The following USH1C variants were observed in gnomAD, a reference collection of about 807,000 sequenced individuals.
USH1C encodes harmonin.
A neutral mutation model predicts 119.3 loss-of-function variants in USH1C; 90 were observed. The observed-to-expected ratio is 0.75, with a 90% CI of 0.64 to 0.90. The LOEUF (loss-of-function observed/expected upper bound fraction) is 0.90, where lower values mean the gene tolerates loss of function less well. USH1C is among the 40% of genes least tolerant of loss of function. The pLI is 0.00. For missense variants in USH1C, 1,165 were observed against 1,167.7 expected (o/e 1.00, Z 0.03); for synonymous variants, 465 against 443.3 (o/e 1.05, Z -0.62).
chr11:17,533,129 A>G, intron 2 of USH1C, 126 bp downstream of exon 2: 3 of 789,732 alleles, frequency 3.8e-6, no homozygotes, highest in Non-Finnish European at 2.3e-6. Flanking sequence ...TGGTATGTCC[A>G]TTTGATTTCC....
At chr11:17,517,595 G>T in intron 14 of USH1C, 1 of 951,658 alleles carries the variant, frequency 1.1e-6, no homozygotes, top group Non-Finnish European at 1.6e-6. Context: ...GAGCTGTGAG[G>T]TCAGGGGCAG....
In USH1C at chr11:17,524,499, A is replaced by G. The variant is rs1306283846; in HGVS notation, c.711T>C (p.Phe237=). 1 of 1,572,690 alleles carries G rather than the reference A, an allele frequency of 6.4e-7. No individual in the cohort carries two copies. The highest frequency in any genetic ancestry group is 1.4e-5 in the African/African-American group (1 of 73,908). The change falls in exon 9 of 27, where the codon TTT becomes TTC. Residue 237 remains phenylalanine (F), a synonymous_variant. Coordinates refer to ENST00000005226, the MANE Select transcript of USH1C (RefSeq NM_153676.4). ...SSGPIQKPGI[F]ISHVKPGSLS... ...GGGAGCCAGGTTTCACATGGCTGAT[A>G]AAGATGCCAGGCTTCTGGATGGGGC... is the stretch of plus-strand genomic sequence containing the variant.
At position 17,520,667 on chromosome 11, in the gene USH1C, T is replaced by C. The variant is rs558575432; in HGVS notation, c.1210+203A>G. ...GACCTGGGAGCTGGGTATGTGGAGCTGGCCCGTGAACAAGGGGAGCAGACA... is the reference window on the plus strand; with the variant it reads ...GACCTGGGAGCTGGGTATGTGGAGCCGGCCCGTGAACAAGGGGAGCAGACA... On this transcript the variant is annotated intron_variant, in intron 14 of 26. Transcript: ENST00000005226. 3.9e-5 allele frequency among the ~76,000 whole-genome samples: 6 copies of C among 152,270 alleles called. No individual in the cohort carries two copies. In the South Asian group the frequency reaches 1.2e-3, roughly 32 times the overall value.
intron 23 of USH1C, 126 bp downstream of exon 23, chr11:17,500,925 C>A: frequency 1.3e-6 from 1 of 795,640 alleles, no homozygotes; most frequent in South Asian, 1.5e-5. Context: ...ATGGATGGAC[C>A]CGAGTGGGAG....
At chr11:17,519,253 G>A (rs1054956607) in intron 14 of USH1C, among the ~76,000 whole-genome samples, 1 of 152,228 alleles carries the variant, frequency 6.6e-6, no homozygotes, top group Admixed American at 6.5e-5. Context: ...AGGTCCAAAT[G>A]AGAATTAAAT....
At chr11:17,494,410 A>G (rs370787719) in intron 26 of USH1C, 34 bp from the exon 27 acceptor site, 3 of 1,579,180 alleles carry the variant, frequency 1.9e-6, no homozygotes, top group Non-Finnish European at 2.6e-6. Context: ...AGGTGGATAC[A>G]GGCTTTGTGG....
At chr11:17,523,750 C>T (rs1016222131) in intron 9 of USH1C, among the ~76,000 whole-genome samples, 1 of 152,208 alleles carries the variant, frequency 6.6e-6, no homozygotes, top group African/African-American at 2.4e-5. Context: ...AATTTGATGA[C>T]ATTTGCTTTA....
At position 17,526,745 on chromosome 11, in the gene USH1C, G is replaced by A. The variant is rs368634906; in HGVS notation, c.579+8C>T. 3.7e-6 allele frequency: 6 copies of A among 1,613,784 alleles called. No homozygotes were observed. In the African/African-American group the frequency reaches 6.7e-5, roughly 18 times the overall value. ...CCCAAACCCCATCACAGGAGGTCTGGCCCTTACCCCAGATTCCGACACAAA... is the reference window on the plus strand; with the variant it reads ...CCCAAACCCCATCACAGGAGGTCTGACCCTTACCCCAGATTCCGACACAAA... On this transcript the variant is annotated splice_region_variant and intron_variant, in intron 7 of 26. Coordinates refer to ENST00000005226, the MANE Select transcript of USH1C (RefSeq NM_153676.4).
chr11:17,495,832 GAC>G (rs1187989456), intron 25 of USH1C, among the ~76,000 whole-genome samples, 155 bp from the exon 26 acceptor site: 5 of 108,012 alleles, frequency 4.6e-5, no homozygotes, highest in South Asian at 3.7e-4. Context: ...GTTTCTCCAA[GAC>G]ATGTGTAGAG....
intron 1 of USH1C, among the ~76,000 whole-genome samples, chr11:17,539,354 C>A (rs1851359651): frequency 1.3e-5 from 2 of 152,328 alleles, no homozygotes; most frequent in Admixed American, 6.5e-5. Flanking sequence ...AGCCAAAGAA[C>A]CCCTTCCCCA....
At chr11:17,502,093 C>G in intron 20 of USH1C, 113 bp from the exon 21 acceptor site, 1 of 1,103,028 alleles carries the variant, frequency 9.1e-7, no homozygotes, top group Non-Finnish European at 1.3e-6. Flanking sequence ...AGGGGTAGGG[C>G]GGGAGAAGGC....
chr11:17,523,137 T>G (rs1229730603), intron 11 of USH1C, 74 bp downstream of exon 11: 3 of 1,590,178 alleles, frequency 1.9e-6, no homozygotes, highest in Non-Finnish European at 2.6e-6. Context: ...CCTGGGAGTG[T>G]GTGGCAGAGA....
In USH1C at chr11:17,529,838, T is replaced by C. The variant is rs568743109; in HGVS notation, c.387+1316A>G. On this transcript the variant is annotated intron_variant, in intron 4 of 26. Transcript: ENST00000005226. The stretch of plus-strand genomic sequence containing the variant: ...AGAAACAGCCAGGAAGGTAAAACTG[T>C]AGGTCTCATTAAAATACCCCAACGC... Among the ~76,000 whole-genome samples the C allele has an allele frequency of 1.8e-4, 28 of 152,242 alleles. No homozygotes were observed. In the East Asian group the frequency reaches 2.1e-3, roughly 12 times the overall value.
At chr11:17,519,657 T>C (rs1850326936) in intron 14 of USH1C, among the ~76,000 whole-genome samples, 2 of 152,222 alleles carry the variant, frequency 1.3e-5, no homozygotes, top group South Asian at 4.1e-4. Context: ...ATCTTAGCTC[T>C]GGCCATATCC....
chr11:17,533,145 C>G (rs1396277078), intron 2 of USH1C, 110 bp downstream of exon 2: 1 of 819,908 alleles, frequency 1.2e-6, no homozygotes, highest in South Asian at 1.3e-5. Flanking sequence ...TTTCCAGGAG[C>G]CGTGAGCATC....
intron 15 of USH1C, among the ~76,000 whole-genome samples, chr11:17,513,340 C>A (rs1849982641): frequency 2.0e-5 from 3 of 151,984 alleles, no homozygotes; most frequent in Admixed American, 2.0e-4. Flanking sequence ...GAGCTCACCC[C>A]CGCCCCCAAC....
chr11:17,507,122 G>C (rs1291986545), intron 18 of USH1C, among the ~76,000 whole-genome samples: 1 of 152,208 alleles, frequency 6.6e-6, no homozygotes, highest in Non-Finnish European at 1.5e-5. Context: ...CTGGTGGCTG[G>C]GCTGACTGTG....
At chr11:17,514,114 C>T (rs1353479696) in intron 15 of USH1C, among the ~76,000 whole-genome samples, 1 of 152,228 alleles carries the variant, frequency 6.6e-6, no homozygotes, top group African/African-American at 2.4e-5. Flanking sequence ...AATCATGAAT[C>T]CTTCATGCCC....
chr11:17,522,718 A>C, intron 12 of USH1C, 66 bp downstream of exon 12: 1 of 1,609,960 alleles, frequency 6.2e-7, no homozygotes, highest in Non-Finnish European at 8.5e-7. Flanking sequence ...GGCAGGAAGC[A>C]AGCTAGGTGG....
Sources: allele counts gnomAD v4.1 joint callset (sites outside exome capture counted in the v4.1 genomes callset), GRCh38; gene constraint gnomAD v4.1.1; transcripts MANE v1.5; gene names NCBI Gene and HGNC (gene_info 2026-07-23, HGNC 2026-07-21).